DACH1: variants seen among roughly 807,000 people sequenced by gnomAD.
DACH1 encodes dachshund family transcription factor 1.
In DACH1, 12 loss-of-function variants were observed where a neutral mutation model predicts 54.2. The ratio of observed to expected loss-of-function variants is 0.22; its 90% CI spans 0.14 to 0.36. The LOEUF (loss-of-function observed/expected upper bound fraction) is 0.36. Among genes scored for constraint, DACH1 ranks in the 10% least tolerant of loss-of-function variants. The pLI is 1.00. For missense variants in DACH1, 805 were observed against 929.8 expected (o/e 0.87, Z 1.75); for synonymous variants, 386 against 366.2 (o/e 1.05, Z -0.62).
At chr13:71,839,668 T>C (rs1303738542) in intron 1 of DACH1, among the ~76,000 whole-genome samples, 1 of 152,096 alleles carries the variant, frequency 6.6e-6, no homozygotes, top group Non-Finnish European at 1.5e-5. Flanking sequence ...AATCTAGGGC[T>C]TCTGCCCTAA....
At chr13:71,731,135 T>G (rs1022436277) in intron 1 of DACH1, among the ~76,000 whole-genome samples, 1 of 152,108 alleles carries the variant, frequency 6.6e-6, no homozygotes, top group African/African-American at 2.4e-5. Flanking sequence ...CTCTGTAATA[T>G]TCTTCAAGAG....
At chr13:71,554,254 G>C (rs1301735524) in intron 6 of DACH1, among the ~76,000 whole-genome samples, 1 of 151,858 alleles carries the variant, frequency 6.6e-6, no homozygotes, top group Non-Finnish European at 1.5e-5. Flanking sequence ...CAAGAGAAAA[G>C]CATCACATAA....
chr13:71,833,256 G>A (rs1477072283), intron 1 of DACH1, among the ~76,000 whole-genome samples: 1 of 151,958 alleles, frequency 6.6e-6, no homozygotes, highest in Non-Finnish European at 1.5e-5. Context: ...TCCAGTGGAT[G>A]TAGGTCACTT....
At chr13:71,775,344 C>T (rs1886024388) in intron 1 of DACH1, among the ~76,000 whole-genome samples, 1 of 151,632 alleles carries the variant, frequency 6.6e-6, no homozygotes, top group Non-Finnish European at 1.5e-5. Flanking sequence ...CTGAAGAAGA[C>T]AGACAGATAA....
At chr13:71,683,278 C>T (rs1026514323) in intron 1 of DACH1, among the ~76,000 whole-genome samples, 24 of 152,008 alleles carry the variant, frequency 1.6e-4, no homozygotes, top group African/African-American at 5.6e-4. Context: ...AAGAAAGTTG[C>T]AATCTGAATA....
At chr13:71,743,031 A>G (rs1355007731) in intron 1 of DACH1, among the ~76,000 whole-genome samples, 1 of 152,162 alleles carries the variant, frequency 6.6e-6, no homozygotes, top group Non-Finnish European at 1.5e-5. Flanking sequence ...ACCATTACTG[A>G]AGTCCTGGTA....
At chr13:71,549,195 TATG>T (rs1883649002) in intron 6 of DACH1, among the ~76,000 whole-genome samples, 1 of 152,136 alleles carries the variant, frequency 6.6e-6, no homozygotes, top group African/African-American at 2.4e-5. Context: ...TAAGGGAATT[TATG>T]ATGATTGATA....
intron 4 of DACH1, among the ~76,000 whole-genome samples, chr13:71,572,492 G>A (rs1040800936): frequency 6.6e-5 from 10 of 152,066 alleles, no homozygotes; most frequent in South Asian, 2.1e-4. Context: ...CTAGGAAGTG[G>A]CAAAACTTAT....
At chr13:71,678,976 T>A (rs539365238) in intron 2 of DACH1, among the ~76,000 whole-genome samples, 5 of 152,254 alleles carry the variant, frequency 3.3e-5, no homozygotes, top group African/African-American at 1.2e-4. Context: ...CCCTTTCTAA[T>A]CCAGTTTATG....
intron 1 of DACH1, among the ~76,000 whole-genome samples, chr13:71,753,988 A>C (rs1467614451): frequency 6.6e-6 from 1 of 152,198 alleles, no homozygotes; most frequent in Non-Finnish European, 1.5e-5. Context: ...GAGAAACCAA[A>C]ATAACATACT....
chr13:71,589,909 A>G (rs959103277), intron 3 of DACH1, among the ~76,000 whole-genome samples: 3 of 152,052 alleles, frequency 2.0e-5, no homozygotes, highest in Admixed American at 2.0e-4. Context: ...AATAACACAG[A>G]TCATTTTATT....
At chr13:71,609,343 C>T (rs1185738003) in intron 3 of DACH1, among the ~76,000 whole-genome samples, 2 of 152,072 alleles carry the variant, frequency 1.3e-5, no homozygotes, top group South Asian at 2.1e-4. Flanking sequence ...CAAACATCCG[C>T]GTGTGTTTCA....
rs561312274 is a variant in DACH1 at position 71,445,088 on chromosome 13, G to A, written c.2084-4396C>T. Among the ~76,000 whole-genome samples the A allele has an allele frequency of 4.6e-5, 7 of 152,162 alleles. No homozygotes were observed. In the South Asian group the frequency reaches 1.5e-3, roughly 32 times the overall value. On this transcript the variant is annotated intron_variant, in intron 10 of 10. Transcript: ENST00000613252. The stretch of plus-strand genomic sequence containing the variant: ...GAGCCTCCCCCACGATAAGCCCCGT[G>A]GAAGAGGCAGCTGCCTCTTTCTGCC...
intron 2 of DACH1, among the ~76,000 whole-genome samples, chr13:71,665,715 A>T (rs2138663793): frequency 6.6e-6 from 1 of 152,184 alleles, no homozygotes; most frequent in East Asian, 1.9e-4. Context: ...TTTTTTATCA[A>T]TGAAAAATTC....
rs201275883 is a variant in DACH1, at chr13:71,530,773, ATAAT to A, written c.1570+26247_1570+26250del. ...AACTAATACTTTGACATCATGTCAA[ATAAT>A]TAATATTTAATAAATGCATATTGAA... On this transcript the variant is annotated intron_variant, in intron 6 of 10. Coordinates refer to ENST00000613252, the MANE Select transcript of DACH1 (RefSeq NM_080759.6). Among the ~76,000 whole-genome samples the A allele has an allele frequency of 5.3e-3, 814 of 152,352 alleles. 6 individuals are homozygous for A. The highest frequency in any genetic ancestry group is 0.028 in the East Asian group (145 of 5,186).
chr13:71,506,710 A>G (rs1395066010), intron 6 of DACH1, among the ~76,000 whole-genome samples: 1 of 152,146 alleles, frequency 6.6e-6, no homozygotes, highest in Non-Finnish European at 1.5e-5. Context: ...AAACAGAGAT[A>G]TTGATCAATG....
chr13:71,621,339 C>T (rs1249437857), intron 3 of DACH1, among the ~76,000 whole-genome samples: 2 of 151,962 alleles, frequency 1.3e-5, no homozygotes, highest in African/African-American at 2.4e-5. Flanking sequence ...GTCGCATTTG[C>T]CCTTTCATAG....
intron 1 of DACH1, among the ~76,000 whole-genome samples, chr13:71,701,537 A>T (rs949820928): frequency 6.6e-6 from 1 of 152,154 alleles, no homozygotes; most frequent in Non-Finnish European, 1.5e-5. Context: ...AATCCAGAAA[A>T]ATCAAATAAA....
In DACH1 at chr13:71,475,815, C is replaced by T. The variant is rs1877470339; in HGVS notation, c.1905G>A (p.Lys635=). 1 of 1,613,270 alleles carries T rather than the reference C, an allele frequency of 6.2e-7. No individual in the cohort carries two copies. Among genetic ancestry groups the T allele is most frequent in the Non-Finnish European group, 8.5e-7 (1 of 1,179,718 alleles). The change falls in exon 9 of 11, where the codon AAG becomes AAA. Residue 635 remains lysine, a synonymous_variant. Transcript: ENST00000613252. The part of the protein sequence containing the change: ...IVQKRLKKEK[K]AKRKLQEALE... ...GTGCTTCCTGCAATTTTCTCTTTGC[C>T]TTCTTCTCCTTCTTTAGCCTCTTTT...
Sources: gnomAD v4.1 joint callset for allele counts (sites outside exome capture counted in the v4.1 genomes callset) on GRCh38, gnomAD v4.1.1 for gene constraint, MANE v1.5 for transcripts, NCBI Gene and HGNC (gene_info 2026-07-23, HGNC 2026-07-21) for gene names.